SLC35D1: variants seen among roughly 807,000 people sequenced by gnomAD.
SLC35D1 encodes the protein nucleotide sugar transporter SLC35D1.
A neutral mutation model predicts 46.7 loss-of-function variants in SLC35D1; 31 were observed. The ratio of observed to expected loss-of-function variants is 0.66; its 90% CI spans 0.50 to 0.90. SLC35D1 has a LOEUF of 0.90. SLC35D1 is among the 40% of genes least tolerant of loss of function. The pLI is 0.00. For synonymous variants in SLC35D1, 195 were observed against 164.6 expected, an observed-to-expected ratio of 1.18 and a Z score of -1.41; for missense variants, 397 against 426.2, an observed-to-expected ratio of 0.93 and a Z score of 0.60.
chr1:66,997,139 T>A (rs1667246229), downstream of SLC35D1, among the ~76,000 whole-genome samples: 1 of 152,158 alleles, frequency 6.6e-6, no homozygotes, highest in Non-Finnish European at 1.5e-5. Context: ...AACTTTGCTG[T>A]GCATCAAAGT....
In SLC35D1 at chr1:67,052,023, T is replaced by G; in HGVS notation, c.381A>C (p.Thr127=). 1 of 1,607,292 alleles carries G rather than the reference T, an allele frequency of 6.2e-7. No individual in the cohort carries two copies. Among genetic ancestry groups the G allele is most frequent in the Non-Finnish European group, 8.5e-7 (1 of 1,173,888 alleles). Residue 127 remains threonine, a synonymous_variant, in exon 4 of 12, where the codon ACA becomes ACC. Transcript: ENST00000235345. ...FGNQITGLFS[T]KKLNLPMFTV... is the part of the protein sequence containing the mutation. Reference sequence around the variant, plus strand: ...AAAGTTATCCATACTTCAGTTTCTTTGTGCTGAACAGTCCCGTGATTTGGT... The same window carrying G: ...AAAGTTATCCATACTTCAGTTTCTTGGTGCTGAACAGTCCCGTGATTTGGT...
chr1:67,047,718 G>C lies in SLC35D1; in HGVS notation c.534-351C>G, dbSNP rs2208576. On this transcript the variant is annotated intron_variant, in intron 6 of 11. Transcript: ENST00000235345. ...GAAGCAGGCAGAGCTCAATTTCATA[G>C]ACAAGAAAACCAAAAGGATGAGGCC... Among the ~76,000 whole-genome samples, 77,572 of 151,322 alleles carry C rather than the reference G, an allele frequency of 0.51. 22,280 individuals are homozygous for C. Among genetic ancestry groups the C allele is most frequent in the South Asian group, 0.69 (3,304 of 4,816 alleles).
chr1:67,053,778 C>T (rs904979136), intron 1 of SLC35D1, 33 bp downstream of exon 1: 3 of 1,518,442 alleles, frequency 2.0e-6, no homozygotes, highest in African/African-American at 3.0e-5. Flanking sequence ...CGCTCCTCCT[C>T]CGCGGCCTGG....
the SLC35D1 span, among the ~76,000 whole-genome samples, chr1:66,991,688 G>A: frequency 6.6e-6 from 1 of 152,134 alleles, no homozygotes; most frequent in African/African-American, 2.4e-5. Flanking sequence ...ACCTGGCCTT[G>A]CATTTCCTTA....
intron 10 of SLC35D1, among the ~76,000 whole-genome samples, chr1:67,012,198 T>C (rs1402398971): frequency 6.6e-6 from 1 of 152,196 alleles, no homozygotes; most frequent in Non-Finnish European, 1.5e-5. Flanking sequence ...CTTTGTTGCC[T>C]GGTTAGTACT....
At chr1:67,025,232 T>C (rs1469488699) in intron 8 of SLC35D1, among the ~76,000 whole-genome samples, 1 of 152,216 alleles carries the variant, frequency 6.6e-6, no homozygotes, top group Non-Finnish European at 1.5e-5. Flanking sequence ...ATTTAACCTA[T>C]AACACTTTCC....
chr1:67,034,305 G>T (rs1466641712), intron 8 of SLC35D1, among the ~76,000 whole-genome samples: 1 of 152,018 alleles, frequency 6.6e-6, no homozygotes, highest in Non-Finnish European at 1.5e-5. Context: ...TAACAATATT[G>T]ATTTTTCCAA....
chr1:67,032,902 A>G (rs1192998045), intron 8 of SLC35D1, among the ~76,000 whole-genome samples: 1 of 151,826 alleles, frequency 6.6e-6, no homozygotes, highest in Non-Finnish European at 1.5e-5. Context: ...CCCCCCTACT[A>G]CCCTTGCCAG....
At position 67,009,173 on chromosome 1, in the gene SLC35D1, AAT is replaced by A. The variant is rs1199888886; in HGVS notation, c.877-8_877-7del. On this transcript the variant is annotated splice_polypyrimidine_tract_variant and splice_region_variant and intron_variant, in intron 10 of 11. Transcript: ENST00000235345. ...ATATAAGTTATTAATATATTCTAAA[AAT>A]AAAAATAGTAATATACTGTTATATA... is the stretch of plus-strand genomic sequence containing the variant. 4 of 1,156,288 alleles carry A rather than the reference AAT, an allele frequency of 3.5e-6. No homozygotes were observed. The highest frequency in any genetic ancestry group is 5.0e-6 in the Non-Finnish European group (4 of 802,288). 71.6% of individuals were successfully genotyped at this position (1,156,288 alleles called of 1,614,324 possible). A position where few individuals can be genotyped will look rare whatever the true frequency, so the allele number is the denominator to read the frequency against.
At chr1:66,984,588 A>G in the SLC35D1 span, 1 of 1,598,874 alleles carries the variant, frequency 6.3e-7, no homozygotes, top group South Asian at 1.1e-5. Context: ...CATCTAATGG[A>G]CCAGGTGAAA....
At position 67,000,839 on chromosome 1, in the gene SLC35D1, T is replaced by G. The variant is rs1428325165; in HGVS notation, c.*3501A>C. On this transcript the variant is annotated 3_prime_UTR_variant, in exon 12 of 12. Transcript: ENST00000235345. ...ACTTACAGAATTCTAAGAGCTGTGT[T>G]GCTATCTCAGAGCTAGAAGATTAAC... 1 of 152,314 alleles carries G rather than the reference T, an allele frequency of 6.6e-6. No homozygotes were observed. The highest frequency in any genetic ancestry group is 1.5e-5 in the Non-Finnish European group (1 of 68,026). 9.4% of individuals were successfully genotyped at this position (152,314 alleles called of 1,614,324 possible). A position where few individuals can be genotyped will look rare whatever the true frequency, so the allele number is the denominator to read the frequency against.
chr1:67,049,957 T>C lies in SLC35D1; in HGVS notation c.465-107A>G, dbSNP rs549490176. On this transcript the variant is annotated intron_variant, in intron 5 of 11. Coordinates refer to ENST00000235345, the MANE Select transcript of SLC35D1 (RefSeq NM_015139.3). ...CTTTCTCAAAAGCTATAAACAATCG[T>C]ATTTTAAACATTTCTGAGAAACTGA... 8 of 814,220 alleles carry C rather than the reference T, an allele frequency of 9.8e-6. No homozygotes were observed. In the Middle Eastern group the frequency reaches 1.2e-3, roughly 126 times the overall value. The allele number at this position is 814,220 out of a possible 1,614,324, so 50.4% of individuals were successfully genotyped here.
chr1:66,997,313 C>T (rs1256577158), downstream of SLC35D1, among the ~76,000 whole-genome samples: 1 of 151,630 alleles, frequency 6.6e-6, no homozygotes, highest in Non-Finnish European at 1.5e-5. Context: ...GAGTTTGAGA[C>T]CAGCCTGGAC....
At chr1:66,990,633 G>A in the SLC35D1 span, among the ~76,000 whole-genome samples, 2 of 152,204 alleles carry the variant, frequency 1.3e-5, no homozygotes, top group Non-Finnish European at 2.9e-5. Context: ...CAGCAGATGG[G>A]AGTTGTAGTA....
chr1:67,014,792 T>C (rs1056099728), intron 10 of SLC35D1, among the ~76,000 whole-genome samples: 5 of 151,208 alleles, frequency 3.3e-5, no homozygotes, highest in African/African-American at 9.7e-5. Context: ...TTACTTAATT[T>C]ATCTGTGAGC....
Position 67,003,749 on chromosome 1 carries a change from T to C in SLC35D1, c.*591A>G, listed in dbSNP as rs1667388964. The C allele has an allele frequency of 6.4e-6, 1 of 156,824 alleles. No homozygotes were observed. The highest frequency in any genetic ancestry group is 1.4e-5 in the Non-Finnish European group (1 of 70,684). The allele number at this position is 156,824 out of a possible 1,614,324, so 9.7% of individuals were successfully genotyped here. ...GTTTTCAAGGAATGCACTCTGCTCA[T>C]CCTATGAAAGTCAGGGAAGCCAACA... On this transcript the variant is annotated 3_prime_UTR_variant, in exon 12 of 12. Transcript: ENST00000235345.
chr1:66,973,020 A>G, the SLC35D1 span: 1 of 1,289,798 alleles, frequency 7.8e-7, no homozygotes, highest in South Asian at 1.2e-5. Flanking sequence ...TTTTTTGCAA[A>G]AAGAAATTTA....
At chr1:66,998,900 G>C (rs986984561), downstream of SLC35D1, among the ~76,000 whole-genome samples, 2 of 152,172 alleles carry the variant, frequency 1.3e-5, no homozygotes, top group Non-Finnish European at 2.9e-5. Context: ...AAATGTTCTG[G>C]AGATTGGTTG....
intron 8 of SLC35D1, among the ~76,000 whole-genome samples, chr1:67,023,961 T>C (rs1444361668): frequency 6.6e-6 from 1 of 151,898 alleles, no homozygotes; most frequent in African/African-American, 2.4e-5. Flanking sequence ...TTTTTTTTTT[T>C]TAAGACAGAG....
Sources: gnomAD v4.1 joint callset for allele counts (sites outside exome capture counted in the v4.1 genomes callset) on GRCh38, gnomAD v4.1.1 for gene constraint, MANE v1.5 for transcripts, NCBI Gene and HGNC (gene_info 2026-07-23, HGNC 2026-07-21) for gene names.